Variants in NKAIN3 observed in about 807,000 individuals in gnomAD.
The protein encoded by NKAIN3 is sodium/potassium transporting ATPase interacting 3, also known as sodium/potassium-transporting ATPase subunit beta-1-interacting protein 3.
Under a neutral mutation model 30.2 loss-of-function variants are expected in NKAIN3, and 25 were observed. The ratio of observed to expected loss-of-function variants is 0.83; its 90% CI spans 0.60 to 1.16. NKAIN3 has a LOEUF of 1.16. Among genes scored for constraint, NKAIN3 ranks in the 50% most tolerant of loss-of-function variants. The probability of loss-of-function intolerance (pLI) is 0.00; values close to 1 mark genes in which losing one functional copy is unlikely to be tolerated. For synonymous variants in NKAIN3, 91 were observed against 89.6 expected (o/e 1.02, Z -0.09); for missense variants, 225 against 254.1 (o/e 0.89, Z 0.78).
chr8:62,798,347 G>A (rs534001139), intron 4 of NKAIN3, among the ~76,000 whole-genome samples: 7 of 152,192 alleles, frequency 4.6e-5, no homozygotes, highest in Non-Finnish European at 7.4e-5. Context: ...TGAGGTGGGC[G>A]GATCATGAGG....
intron 1 of NKAIN3, among the ~76,000 whole-genome samples, chr8:62,416,657 C>G (rs1349459385): frequency 2.0e-5 from 3 of 151,960 alleles, no homozygotes; most frequent in Non-Finnish European, 4.4e-5. Context: ...CTTTGTGTTA[C>G]AAAAAATCAA....
intron 6 of NKAIN3, among the ~76,000 whole-genome samples, chr8:62,954,235 T>C (rs1382988299): frequency 6.6e-6 from 1 of 152,158 alleles, no homozygotes; most frequent in Admixed American, 6.6e-5. Flanking sequence ...AACTACATTT[T>C]TTAATGAGAT....
intron 1 of NKAIN3, among the ~76,000 whole-genome samples, chr8:62,504,230 C>A (rs1351771384): frequency 6.6e-6 from 1 of 152,146 alleles, no homozygotes; most frequent in Non-Finnish European, 1.5e-5. Flanking sequence ...TGTCCCCCCA[C>A]CACCAGTCTG....
chr8:62,377,628 G>A (rs1157255311), intron 1 of NKAIN3, among the ~76,000 whole-genome samples: 1 of 152,102 alleles, frequency 6.6e-6, no homozygotes. Flanking sequence ...GGAAGGACCT[G>A]GTGGGAGGTA....
chr8:62,793,194 A>G (rs529158144), intron 4 of NKAIN3, among the ~76,000 whole-genome samples: 2 of 151,924 alleles, frequency 1.3e-5, no homozygotes, highest in African/African-American at 4.8e-5. Flanking sequence ...TGGTTTTACC[A>G]AGGGAAAAAA....
At chr8:62,992,549 G>T (rs1018784079) in intron 5 of NKAIN3, among the ~76,000 whole-genome samples, 1 of 151,826 alleles carries the variant, frequency 6.6e-6, no homozygotes, top group African/African-American at 2.4e-5. Context: ...ATGATATATC[G>T]ATAAGTCCCC....
At chr8:62,569,397 C>T (rs971751085) in intron 1 of NKAIN3, among the ~76,000 whole-genome samples, 12 of 152,018 alleles carry the variant, frequency 7.9e-5, no homozygotes, top group Non-Finnish European at 2.9e-5. Context: ...ATGAAAAGTC[C>T]CTTGGGAGTT....
chr8:62,923,683 C>G (rs1586351813), intron 5 of NKAIN3, among the ~76,000 whole-genome samples: 1 of 152,258 alleles, frequency 6.6e-6, no homozygotes, highest in East Asian at 1.9e-4. Flanking sequence ...GATGCACTCA[C>G]AGAGTAAGGC....
intron 1 of NKAIN3, among the ~76,000 whole-genome samples, chr8:62,364,828 C>CAAAAAAAA (rs58784999): frequency 0.015 from 946 of 63,710 alleles, 218 homozygotes; most frequent in Admixed American, 0.03. Flanking sequence ...GACTCCACTA[C>CAAAAAAAA]AAAAAAAAAA....
intron 1 of NKAIN3, among the ~76,000 whole-genome samples, chr8:62,475,675 A>G (rs550451933): frequency 2.0e-5 from 3 of 152,312 alleles, no homozygotes; most frequent in South Asian, 2.1e-4. Context: ...GTACTGTAAC[A>G]AGATCCTACA....
At chr8:62,828,276 G>T (rs1423682635) in intron 4 of NKAIN3, among the ~76,000 whole-genome samples, 1 of 152,002 alleles carries the variant, frequency 6.6e-6, no homozygotes, top group African/African-American at 2.4e-5. Flanking sequence ...AATTATAAAA[G>T]ATTATCTGAG....
chr8:62,630,059 TA>T (rs1563491192), intron 3 of NKAIN3, among the ~76,000 whole-genome samples: 1 of 152,090 alleles, frequency 6.6e-6, no homozygotes, highest in African/African-American at 2.4e-5. Context: ...TGACTTTTAT[TA>T]TAATATATTA....
chr8:62,297,231 C>A (rs2129587611), intron 1 of NKAIN3, among the ~76,000 whole-genome samples: 1 of 152,248 alleles, frequency 6.6e-6, no homozygotes, highest in East Asian at 1.9e-4. Context: ...AGAAGAAAAC[C>A]TAGGCATTAC....
chr8:62,994,435 G>T (rs1221867089), intron 5 of NKAIN3, among the ~76,000 whole-genome samples: 3 of 152,166 alleles, frequency 2.0e-5, no homozygotes, highest in Non-Finnish European at 4.4e-5. Flanking sequence ...TCTCAGGAAT[G>T]ATGTAAAAGA....
intron 1 of NKAIN3, among the ~76,000 whole-genome samples, chr8:62,495,633 A>G (rs2129646475): frequency 6.6e-6 from 1 of 151,734 alleles, no homozygotes; most frequent in East Asian, 1.9e-4. Flanking sequence ...ATGTTTAATA[A>G]ATAAAACAGA....
intron 1 of NKAIN3, among the ~76,000 whole-genome samples, chr8:62,559,051 A>G (rs898791626): frequency 4.5e-4 from 69 of 152,010 alleles, no homozygotes; most frequent in African/African-American, 1.6e-3. Context: ...TGCCAGTTTC[A>G]ATTCTTTTTA....
chr8:62,334,828 G>A (rs1275409914), intron 1 of NKAIN3, among the ~76,000 whole-genome samples: 1 of 151,984 alleles, frequency 6.6e-6, no homozygotes, highest in Non-Finnish European at 1.5e-5. Flanking sequence ...CTAGAAGGCT[G>A]GGCTTGACTT....
At chr8:62,382,281 T>C (rs905377052) in intron 1 of NKAIN3, among the ~76,000 whole-genome samples, 1 of 152,052 alleles carries the variant, frequency 6.6e-6, no homozygotes, top group Non-Finnish European at 1.5e-5. Flanking sequence ...AGAGAAAATA[T>C]GTTTACTATT....
intron 3 of NKAIN3, among the ~76,000 whole-genome samples, chr8:62,716,978 G>C (rs780945501): frequency 1.3e-5 from 2 of 152,104 alleles, no homozygotes; most frequent in Non-Finnish European, 2.9e-5. Context: ...ATTAACATTT[G>C]TTACTGAAGA....
Sources: gnomAD v4.1 joint callset for allele counts (sites outside exome capture counted in the v4.1 genomes callset) on GRCh38, gnomAD v4.1.1 for gene constraint, MANE v1.5 for transcripts, NCBI Gene and HGNC (gene_info 2026-07-23, HGNC 2026-07-21) for gene names.